HHAT: variants seen among roughly 807,000 people sequenced by gnomAD.
The protein encoded by HHAT is hedgehog acyltransferase, also known as protein-cysteine N-palmitoyltransferase HHAT.
A neutral mutation model predicts 70.8 loss-of-function variants in HHAT; 47 were observed. The ratio of observed to expected loss-of-function variants is 0.66; its 90% confidence interval spans 0.53 to 0.85. The LOEUF is 0.85. Ranked by LOEUF, HHAT falls within the 40% of genes least tolerant of loss-of-function variation. HHAT has a pLI of 0.00. For missense variants in HHAT, 609 were observed against 604.8 expected (o/e 1.01, Z -0.07); for synonymous variants, 228 against 247.6 (o/e 0.92, Z 0.74).
intron 9 of HHAT, among the ~76,000 whole-genome samples, chr1:210,541,337 G>A (rs138292120): frequency 6.6e-6 from 1 of 152,262 alleles, no homozygotes; most frequent in Non-Finnish European, 1.5e-5. Context: ...CCAATAGACT[G>A]TGGGGTTTTG....
At chr1:210,453,807 C>T (rs1482887954) in intron 7 of HHAT, among the ~76,000 whole-genome samples, 1 of 152,182 alleles carries the variant, frequency 6.6e-6, no homozygotes, top group Non-Finnish European at 1.5e-5. Flanking sequence ...ATTCAGTCTA[C>T]ACATAGATTT....
intron 3 of HHAT, among the ~76,000 whole-genome samples, chr1:210,386,726 C>T (rs2091105149): frequency 1.3e-5 from 2 of 152,230 alleles, no homozygotes; most frequent in South Asian, 4.1e-4. Flanking sequence ...CTCCTGAGGC[C>T]ATGACTTTGA....
intron 8 of HHAT, among the ~76,000 whole-genome samples, chr1:210,484,331 A>G (rs1384432058): frequency 1.3e-5 from 2 of 152,148 alleles, no homozygotes; most frequent in East Asian, 1.9e-4. Flanking sequence ...GATGAGATTG[A>G]TATTATGCAT....
intron 4 of HHAT, among the ~76,000 whole-genome samples, chr1:210,396,676 A>G (rs1236333011): frequency 6.6e-6 from 1 of 152,234 alleles, no homozygotes; most frequent in Non-Finnish European, 1.5e-5. Flanking sequence ...ATAGCCCCAC[A>G]TTGCAAACAG....
At position 210,478,591 on chromosome 1, in the gene HHAT, T is replaced by A. The variant is rs79203814; in HGVS notation, c.1007+13936T>A. On this transcript the variant is annotated intron_variant, in intron 8 of 11. Transcript: ENST00000261458. ...GTGCTTCAGAGGAGAGGGAAGGATGTTAGGTGAGGTGGAGAGTGATTCTCT... is the reference window on the plus strand; with the variant it reads ...GTGCTTCAGAGGAGAGGGAAGGATGATAGGTGAGGTGGAGAGTGATTCTCT... 9.0e-3 allele frequency among the ~76,000 whole-genome samples: 1,369 copies of A among 152,198 alleles called. 30 individuals carry two copies. Among genetic ancestry groups the A allele is most frequent in the African/African-American group, 0.031 (1,301 of 41,532 alleles).
At chr1:210,537,188 G>T (rs1028359232) in intron 9 of HHAT, among the ~76,000 whole-genome samples, 14 of 152,162 alleles carry the variant, frequency 9.2e-5, no homozygotes, top group African/African-American at 3.4e-4. Flanking sequence ...TCAGTCTGTT[G>T]TCAGAATCAA....
intron 11 of HHAT, among the ~76,000 whole-genome samples, chr1:210,658,125 C>G (rs891173565): frequency 6.6e-6 from 1 of 152,142 alleles, no homozygotes; most frequent in Non-Finnish European, 1.5e-5. Context: ...AAGGCAAGTT[C>G]ATAGGCTCTC....
intron 7 of HHAT, among the ~76,000 whole-genome samples, chr1:210,441,944 A>C (rs2093521527): frequency 6.6e-6 from 1 of 151,216 alleles, no homozygotes; most frequent in Non-Finnish European, 1.5e-5. Flanking sequence ...TGGTGTGCTG[A>C]ACCCACTAAC....
rs57007952 is a variant in HHAT at position 210,340,242 on chromosome 1, GAAAAAAAAAAAAAA to G, written c.-43-8678_-43-8665del. ...GGGGATAGAGCAAGACTCTGTCTCA[GAAAAAAAAAAAAAA>G]AAAAAAAAAAAAGACTCAAGTGGGG... On this transcript the variant is annotated intron_variant, in intron 1 of 11. Coordinates refer to ENST00000261458, the MANE Select transcript of HHAT (RefSeq NM_018194.6). 3.6e-3 allele frequency among the ~76,000 whole-genome samples: 357 copies of G among 99,784 alleles called. 3 individuals carry two copies. Among genetic ancestry groups the G allele is most frequent in the Non-Finnish European group, 5.5e-3 (267 of 48,736 alleles). 65.5% of individuals were successfully genotyped at this position (99,784 alleles called of 152,430 possible). A position where few individuals can be genotyped will look rare whatever the true frequency, so the allele number is the denominator to read the frequency against.
intron 11 of HHAT, among the ~76,000 whole-genome samples, chr1:210,663,788 CTG>C (rs768186437): frequency 3.9e-4 from 59 of 152,228 alleles, no homozygotes; most frequent in Non-Finnish European, 7.2e-4. Flanking sequence ...GGATCAGAAA[CTG>C]TGGGGTGGGG....
chr1:210,485,562 C>T (rs560073922), intron 8 of HHAT, among the ~76,000 whole-genome samples: 1 of 152,172 alleles, frequency 6.6e-6, no homozygotes, highest in South Asian at 2.1e-4. Flanking sequence ...TAAAGACCTA[C>T]CTGAGACTGG....
chr1:210,353,440 T>G (rs1474536947), intron 2 of HHAT, among the ~76,000 whole-genome samples: 7 of 122,234 alleles, frequency 5.7e-5, no homozygotes, highest in Admixed American at 1.6e-4. Context: ...ACCTGTTTTT[T>G]TTTTTTTTTT....
At chr1:210,389,494 G>A (rs945081301) in intron 4 of HHAT, among the ~76,000 whole-genome samples, 1 of 152,180 alleles carries the variant, frequency 6.6e-6, no homozygotes, top group African/African-American at 2.4e-5. Context: ...GAGCCTGGTG[G>A]GAGGTGACTG....
chr1:210,329,012 T>C lies in HHAT; in HGVS notation c.-136T>C. 1 of 1,389,098 alleles carries C rather than the reference T, an allele frequency of 7.2e-7. No individual in the cohort carries two copies. The highest frequency in any genetic ancestry group is 1.6e-5 in the South Asian group (1 of 62,184). The allele number at this position is 1,389,098 out of a possible 1,614,324, so 86.0% of individuals were successfully genotyped here. ...CGGGGAAGCCCGCAGCCGCCGCCGA[T>C]GTCGCTGGGACTCGGAAGTGCCGAA... On this transcript the variant is annotated 5_prime_UTR_variant, in exon 1 of 12. An upstream start codon of the reference 5' UTR is lost. Coordinates refer to ENST00000261458, the MANE Select transcript of HHAT (RefSeq NM_018194.6).
intron 2 of HHAT, among the ~76,000 whole-genome samples, chr1:210,352,100 A>C (rs759199963): frequency 3.9e-5 from 6 of 152,026 alleles, no homozygotes; most frequent in Admixed American, 1.3e-4. Flanking sequence ...AGACTTTACA[A>C]CTCTACTTCT....
At chr1:210,509,845 A>G (rs1572929913) in intron 8 of HHAT, among the ~76,000 whole-genome samples, 3 of 152,180 alleles carry the variant, frequency 2.0e-5, no homozygotes, top group South Asian at 4.1e-4. Flanking sequence ...TCTTGTAGTC[A>G]TTGCAAAGGC....
At chr1:210,577,259 C>T (rs751015827) in intron 9 of HHAT, among the ~76,000 whole-genome samples, 1 of 152,062 alleles carries the variant, frequency 6.6e-6, no homozygotes, top group Non-Finnish European at 1.5e-5. Flanking sequence ...TTGCTTGTTT[C>T]TGATCTTAGC....
rs78964693 is a variant in HHAT at position 210,579,818 on chromosome 1, C to G, written c.1044-8080C>G. Among the ~76,000 whole-genome samples the G allele has an allele frequency of 2.8e-3, 426 of 152,244 alleles. 5 individuals carry two copies. Among genetic ancestry groups the G allele is most frequent in the African/African-American group, 7.9e-3 (330 of 41,540 alleles). On this transcript the variant is annotated intron_variant, in intron 9 of 11. Transcript: ENST00000261458. ...AGCCATTCAGACTCTCTCAGCCTCT[C>G]TTTCTGTGAGAAAGATAGAGCTTTT...
At chr1:210,348,201 C>A (rs1307643775) in intron 1 of HHAT, among the ~76,000 whole-genome samples, 5 of 151,996 alleles carry the variant, frequency 3.3e-5, no homozygotes, top group Non-Finnish European at 7.4e-5. Flanking sequence ...GAAACATAGA[C>A]CCTGTCTCCA....
Sources: gnomAD v4.1 joint callset for allele counts (sites outside exome capture counted in the v4.1 genomes callset) on GRCh38, gnomAD v4.1.1 for gene constraint, MANE v1.5 for transcripts, NCBI Gene and HGNC (gene_info 2026-07-23, HGNC 2026-07-21) for gene names.